The following PCDHGB5 variants were observed in gnomAD, a reference collection of about 807,000 sequenced individuals.
The protein encoded by PCDHGB5 is protocadherin gamma subfamily B, 5.
Under a neutral mutation model 62.9 loss-of-function variants are expected in PCDHGB5, and 48 were observed. The ratio of observed to expected loss-of-function variants is 0.76; its 90% CI spans 0.61 to 0.97. PCDHGB5 has a LOEUF of 0.97. Among genes scored for constraint, PCDHGB5 ranks in the 50% least tolerant of loss-of-function variants. The probability of loss-of-function intolerance (pLI) is 0.00; values close to 1 mark genes in which losing one functional copy is unlikely to be tolerated. For synonymous variants in PCDHGB5, 474 were observed against 511.2 expected (o/e 0.93, Z 0.98); for missense variants, 1,118 against 1,198.6 (o/e 0.93, Z 0.99).
chr5:141,430,617 C>G, intron 1 of PCDHGB5: 1 of 715,450 alleles, frequency 1.4e-6, no homozygotes, highest in South Asian at 3.9e-5. Context: ...AAGCAGATAG[C>G]TAGGAATGAA....
intron 1 of PCDHGB5, chr5:141,421,422 C>T (rs908483513): frequency 6.2e-7 from 1 of 1,614,086 alleles, no homozygotes; most frequent in Non-Finnish European, 8.5e-7. Flanking sequence ...AGCGCGGAGT[C>T]CGCATCGTCT....
At position 141,486,112 on chromosome 5, in the gene PCDHGB5, G is replaced by A; in HGVS notation, c.2398-8695G>A. ...TGGGGCCCCTAGACTTTGAGAGTGA[G>A]AATTACTATGAATTTGATGTGCGGG... On this transcript the variant is annotated intron_variant, in intron 1 of 3. Transcript: ENST00000617380. This position sits in a 1 kb window ranked among gnomAD's most constrained non-coding sequence, Gnocchi z 5.0. 1 of 1,614,166 alleles carries A rather than the reference G, an allele frequency of 6.2e-7. No homozygotes were observed. Among genetic ancestry groups the A allele is most frequent in the Non-Finnish European group, 8.5e-7 (1 of 1,180,024 alleles).
chr5:141,436,859 A>T (rs550974791), intron 1 of PCDHGB5, among the ~76,000 whole-genome samples: 1 of 152,250 alleles, frequency 6.6e-6, no homozygotes, highest in Non-Finnish European at 1.5e-5. Flanking sequence ...TTGAGAAGCC[A>T]CAGTTTTAGG....
At chr5:141,498,803 C>T (rs916966107) in intron 2 of PCDHGB5, among the ~76,000 whole-genome samples, 5 of 151,982 alleles carry the variant, frequency 3.3e-5, no homozygotes, top group African/African-American at 1.2e-4. Flanking sequence ...TGTGGTGGTG[C>T]ACACCTGTAG....
chr5:141,469,829 A>G (rs2099212486), intron 1 of PCDHGB5, among the ~76,000 whole-genome samples: 1 of 152,102 alleles, frequency 6.6e-6, no homozygotes, highest in African/African-American at 2.4e-5. Context: ...AGGTCACATA[A>G]AACTTATTCT....
intron 1 of PCDHGB5, among the ~76,000 whole-genome samples, chr5:141,458,436 C>T (rs2098945707): frequency 6.6e-6 from 1 of 152,056 alleles, no homozygotes; most frequent in Non-Finnish European, 1.5e-5. Context: ...AAGAGGAGGT[C>T]CCCCACATTA....
intron 1 of PCDHGB5, among the ~76,000 whole-genome samples, chr5:141,437,246 C>A (rs897787623): frequency 6.6e-6 from 1 of 152,144 alleles, no homozygotes; most frequent in Non-Finnish European, 1.5e-5. Context: ...CAAGGACTTT[C>A]CTTGTCTTTT....
At chr5:141,430,945 C>G (rs1466092130) in intron 1 of PCDHGB5, 1 of 1,609,234 alleles carries the variant, frequency 6.2e-7, no homozygotes, top group Non-Finnish European at 8.5e-7. Context: ...TCGCGGAGCG[C>G]GGAGTCCGCA....
intron 1 of PCDHGB5, chr5:141,413,345 G>A (rs2095628318): frequency 8.7e-6 from 14 of 1,613,996 alleles, no homozygotes; most frequent in Non-Finnish European, 1.0e-5. Flanking sequence ...AAGGACTTGG[G>A]TCTGGCGCCC....
intron 1 of PCDHGB5, chr5:141,428,099 C>T: frequency 6.8e-6 from 11 of 1,608,710 alleles, no homozygotes; most frequent in East Asian, 2.2e-5. Context: ...TGTCCTACCA[C>T]GTGCTGCAGG....
chr5:141,423,035 C>T (rs1220219512), intron 1 of PCDHGB5: 2 of 1,614,214 alleles, frequency 1.2e-6, no homozygotes, highest in Admixed American at 3.3e-5. Flanking sequence ...GGCCAGAACG[C>T]CTGGCTGTCC....
chr5:141,426,451 C>T (rs561567196), intron 1 of PCDHGB5: 1 of 308,946 alleles, frequency 3.2e-6, no homozygotes, highest in Non-Finnish European at 6.4e-6. Flanking sequence ...GGACATGCGG[C>T]TGCATGTTCA....
chr5:141,494,756 A>G (rs780402065), intron 1 of PCDHGB5, 51 bp from the exon 2 acceptor site: 2 of 1,613,460 alleles, frequency 1.2e-6, no homozygotes, highest in South Asian at 1.1e-5. Context: ...CTCGGGTGAC[A>G]TTCTAACTTC....
intron 1 of PCDHGB5, chr5:141,415,308 C>T: frequency 6.2e-7 from 1 of 1,614,236 alleles, no homozygotes; most frequent in Non-Finnish European, 8.5e-7. Flanking sequence ...TCCTGGCCTT[C>T]GTCATCGTGC....
rs540507159 is a variant in PCDHGB5 at position 141,422,671 on chromosome 5, A to G, written c.2397+22147A>G. On this transcript the variant is annotated intron_variant, in intron 1 of 3. Coordinates refer to ENST00000617380, the MANE Select transcript of PCDHGB5 (RefSeq NM_018925.3). The stretch of plus-strand genomic sequence containing the variant: ...CTCAGTGACCGCCCTCGACCCGGAC[A>G]GCAAACAGAATGCCCTGGTCACTTA... 4 of 1,607,248 alleles carry G rather than the reference A, an allele frequency of 2.5e-6. No homozygotes were observed. The Admixed American group carries it at 5.0e-5, about 20-fold the overall frequency.
intron 1 of PCDHGB5, chr5:141,405,091 C>G (rs761186505): frequency 8.1e-6 from 13 of 1,613,814 alleles, no homozygotes; most frequent in Non-Finnish European, 1.1e-5. Flanking sequence ...CGCTGCTGGC[C>G]CTCAGGCTGA....
chr5:141,408,789 T>C, intron 1 of PCDHGB5: 1 of 1,612,724 alleles, frequency 6.2e-7, no homozygotes, highest in Non-Finnish European at 8.5e-7. Context: ...GAGTTATCTC[T>C]GGAGAAACTC....
At position 141,399,887 on chromosome 5, in the gene PCDHGB5, T is replaced by C. The variant is rs1189359878; in HGVS notation, c.1760T>C (p.Val587Ala). ...GAGCCCGGCTACCTGGTGACCAAGG[T>C]AGTGGCCGTGGACGCAGACTCAGGA... ...AAEPGYLVTK[V>A]VAVDADSGHN... is the part of the protein sequence containing the mutation. The change falls in exon 1 of 4, where the codon GTA becomes GCA. Residue 587 changes from valine (V) to alanine (A), a missense_variant. By Grantham distance (64) the Val-to-Ala change is moderately conservative. This residue lies in a region of PCDHGB5 where 1,034 missense variants were observed against 1,029.1 expected (regional missense o/e 1.00). Coordinates refer to ENST00000617380, the MANE Select transcript of PCDHGB5 (RefSeq NM_018925.3). 3 of 1,612,524 alleles carry C rather than the reference T, an allele frequency of 1.9e-6. No homozygotes were observed. The African/African-American group carries it at 4.0e-5, about 22-fold the overall frequency.
rs1439461935 is a variant in PCDHGB5 at position 141,511,976 on chromosome 5, G to A, written c.*803G>A. ...ATAAGGAAGGGAAGTGTGTGGATGT[G>A]GATGGTGGGGGCATGGACAAAGCTT... is the stretch of plus-strand genomic sequence containing the variant. On this transcript the variant is annotated 3_prime_UTR_variant, in exon 4 of 4. Coordinates refer to ENST00000617380, the MANE Select transcript of PCDHGB5 (RefSeq NM_018925.3). 6.5e-6 allele frequency: 1 copy of A among 153,384 alleles called. No homozygotes were observed. Among genetic ancestry groups the A allele is most frequent in the Non-Finnish European group, 1.5e-5 (1 of 68,664 alleles). 9.5% of individuals were successfully genotyped at this position (153,384 alleles called of 1,614,324 possible).
Sources: allele counts gnomAD v4.1 joint callset (sites outside exome capture counted in the v4.1 genomes callset), GRCh38; gene constraint gnomAD v4.1.1; regional missense constraint gnomAD v4.1.1; non-coding constraint Gnocchi (gnomAD v3.1); transcripts MANE v1.5; gene names NCBI Gene and HGNC (gene_info 2026-07-23, HGNC 2026-07-21).